The following NSUN7 variants were observed in gnomAD, a reference collection of about 807,000 sequenced individuals.
The protein encoded by NSUN7 is protein NSUN7.
NSUN7 carries 39 observed loss-of-function variants against 58.5 expected under a neutral mutation model. That is an observed-to-expected ratio of 0.67 (90% CI 0.52 to 0.87). The LOEUF (loss-of-function observed/expected upper bound fraction) is 0.87, where lower values mean the gene tolerates loss of function less well. Among genes scored for constraint, NSUN7 ranks in the 40% least tolerant of loss-of-function variants. The pLI, the probability that NSUN7 is intolerant of heterozygous loss-of-function variation, is 0.00. For synonymous variants in NSUN7, 278 were observed against 303.7 expected, an observed-to-expected ratio of 0.92 and a Z score of 0.88; for missense variants, 765 against 844.1, an observed-to-expected ratio of 0.91 and a Z score of 1.16.
At chr4:40,783,451 G>T (rs1006662190) in intron 7 of NSUN7, among the ~76,000 whole-genome samples, 1 of 151,672 alleles carries the variant, frequency 6.6e-6, no homozygotes, top group Non-Finnish European at 1.5e-5. Context: ...TTTAGCAGTG[G>T]TTGTTTAGAT....
intron 4 of NSUN7, among the ~76,000 whole-genome samples, chr4:40,766,572 G>T (rs1232920834): frequency 6.6e-6 from 1 of 152,160 alleles, no homozygotes; most frequent in Non-Finnish European, 1.5e-5. Flanking sequence ...GCCTGGCTTT[G>T]GTATGAGGAT....
At chr4:40,804,683 C>T (rs1386614593) in intron 10 of NSUN7, among the ~76,000 whole-genome samples, 3 of 151,960 alleles carry the variant, frequency 2.0e-5, no homozygotes, top group Non-Finnish European at 4.4e-5. Flanking sequence ...GTGGAGGGCA[C>T]GAAGGTGAGC....
chr4:40,764,561 A>G (rs981349705), intron 4 of NSUN7, among the ~76,000 whole-genome samples: 2 of 152,166 alleles, frequency 1.3e-5, no homozygotes, highest in Non-Finnish European at 2.9e-5. Context: ...TGTCTTTATA[A>G]CAGCATGATT....
Position 40,809,762 on chromosome 4 carries a change from C to T in NSUN7, c.*823C>T, listed in dbSNP as rs764431193. On this transcript the variant is annotated 3_prime_UTR_variant, in exon 12 of 12. Transcript: ENST00000381782. ...CTAAGATCAGGGGATACAACAAAAT[C>T]TACAAGTCATTTCAAATAGCACACA... is the stretch of plus-strand genomic sequence containing the variant. The T allele has an allele frequency of 6.6e-6, 1 of 152,182 alleles. No individual in the cohort carries two copies. Among genetic ancestry groups the T allele is most frequent in the Non-Finnish European group, 1.5e-5 (1 of 68,014 alleles). The allele number at this position is 152,182 out of a possible 1,614,324, so 9.4% of individuals were successfully genotyped here. A position where few individuals can be genotyped will look rare whatever the true frequency, so the allele number is the denominator to read the frequency against.
At chr4:40,758,420 C>T (rs1357371893) in intron 2 of NSUN7, among the ~76,000 whole-genome samples, 2 of 152,160 alleles carry the variant, frequency 1.3e-5, no homozygotes, top group African/African-American at 2.4e-5. Context: ...TTGTGAAGTA[C>T]AAGTACGTAA....
chr4:40,804,560 T>TAATTACATTTTCCAATTTTCTATTAGAA lies in NSUN7; in HGVS notation c.1401-2488_1401-2461dup, dbSNP rs1173327016. Among the ~76,000 whole-genome samples, 9 of 152,338 alleles carry TAATTACATTTTCCAATTTTCTATTAGAA rather than the reference T, an allele frequency of 5.9e-5. No individual in the cohort carries two copies. The South Asian group carries it at 1.0e-3, about 18-fold the overall frequency. On this transcript the variant is annotated intron_variant, in intron 10 of 11. Coordinates refer to ENST00000381782, the MANE Select transcript of NSUN7 (RefSeq NM_024677.6). ...TAACATGGTAGTGAATTACATTTAG[T>TAATTACATTTTCCAATTTTCTATTAGAA]AATTACATTTTCCAATTTTCTATTA...
chr4:40,760,362 G>A (rs966722891), intron 2 of NSUN7, 72 bp from the exon 3 acceptor site: 3 of 1,050,802 alleles, frequency 2.9e-6, no homozygotes, highest in Non-Finnish European at 4.4e-6. Context: ...CATTATTACA[G>A]TGTATTTTGA....
chr4:40,792,723 G>GT (rs1743144778), intron 8 of NSUN7, among the ~76,000 whole-genome samples: 1 of 151,690 alleles, frequency 6.6e-6, no homozygotes, highest in Non-Finnish European at 1.5e-5. Context: ...CTGCACTCCA[G>GT]CCTGGGCGAC....
chr4:40,760,637 CG>C, intron 3 of NSUN7, 145 bp downstream of exon 3: 1 of 577,446 alleles, frequency 1.7e-6, no homozygotes, highest in South Asian at 2.2e-5. Context: ...CCAAGGCGGG[CG>C]GATCATCTGA....
Position 40,750,866 on chromosome 4 carries a change from G to T in NSUN7, c.173G>T (p.Arg58Leu), listed in dbSNP as rs956107015. 1.2e-6 allele frequency: 2 copies of T among 1,614,166 alleles called. No homozygotes were observed. Among genetic ancestry groups the T allele is most frequent in the Admixed American group, 3.3e-5 (2 of 60,018 alleles). The change falls in exon 2 of 12, where the codon CGA becomes CTA. Residue 58 changes from arginine (R) to leucine (L), a missense_variant. Coordinates refer to ENST00000381782, the MANE Select transcript of NSUN7 (RefSeq NM_024677.6). ...GCAGCCAACATTTTTCAGGGTATTC[G>T]AATCGAAAAGTCGGCACAGAAAGTC... ...VMAANIFQGI[R>L]IEKSAQKVLI...
At chr4:40,780,845 T>C (rs1343883137) in intron 7 of NSUN7, among the ~76,000 whole-genome samples, 18 of 125,332 alleles carry the variant, frequency 1.4e-4, no homozygotes, top group African/African-American at 4.8e-4. Flanking sequence ...TTTGAGACGG[T>C]GTCTCGCTCT....
chr4:40,799,512 G>T (rs1259816972), intron 10 of NSUN7, among the ~76,000 whole-genome samples: 1 of 147,742 alleles, frequency 6.8e-6, no homozygotes, highest in Non-Finnish European at 1.5e-5. Flanking sequence ...AAAAAAAAAA[G>T]AATATGATAT....
chr4:40,770,062 TAGTC>T (rs2154287347), intron 4 of NSUN7, among the ~76,000 whole-genome samples: 1 of 151,358 alleles, frequency 6.6e-6, no homozygotes, highest in East Asian at 1.9e-4. Flanking sequence ...AATACAAAAT[TAGTC>T]AGGCGTGGTG....
chr4:40,751,289 T>C lies in NSUN7; in HGVS notation c.298+298T>C, dbSNP rs75362277. 4.1e-4 allele frequency among the ~76,000 whole-genome samples: 62 copies of C among 151,434 alleles called. No individual in the cohort carries two copies. The East Asian group carries it at 0.011, about 28-fold the overall frequency. On this transcript the variant is annotated intron_variant, in intron 2 of 11. Transcript: ENST00000381782. ...CAATGATCATTTCCCTCTCCCTGTA[T>C]TTTTTTTTCCCTCGTAGACTTAGGG... is the stretch of plus-strand genomic sequence containing the variant.
In NSUN7 at chr4:40,790,534, A is replaced by G. The variant is rs1017708381; in HGVS notation, c.1037-68A>G. On this transcript the variant is annotated intron_variant, in intron 7 of 11. Coordinates refer to ENST00000381782, the MANE Select transcript of NSUN7 (RefSeq NM_024677.6). ...ATTTTAAAATGTACAATAAATAGAT[A>G]CAATCACATACTACATTAAGATTTT... 82 of 974,254 alleles carry G rather than the reference A, an allele frequency of 8.4e-5. No homozygotes were observed. The African/African-American group carries it at 1.3e-3, about 15-fold the overall frequency. 60.4% of individuals were successfully genotyped at this position (974,254 alleles called of 1,614,324 possible). A position where few individuals can be genotyped will look rare whatever the true frequency, so the allele number is the denominator to read the frequency against.
At chr4:40,795,579 CAT>C (rs1268005430) in intron 9 of NSUN7, among the ~76,000 whole-genome samples, 2 of 152,100 alleles carry the variant, frequency 1.3e-5, no homozygotes, top group African/African-American at 4.8e-5. Flanking sequence ...GCCAAATAAA[CAT>C]AAAATTTGGC....
intron 8 of NSUN7, among the ~76,000 whole-genome samples, chr4:40,792,575 C>CTAA (rs1743127018): frequency 6.6e-6 from 1 of 152,010 alleles, no homozygotes; most frequent in Admixed American, 6.6e-5. Flanking sequence ...CACGGTGAAA[C>CTAA]CCCGTCTCTA....
intron 7 of NSUN7, among the ~76,000 whole-genome samples, chr4:40,783,784 G>A (rs557141079): frequency 6.6e-6 from 1 of 151,950 alleles, no homozygotes; most frequent in Non-Finnish European, 1.5e-5. Context: ...GAAGGTGGAG[G>A]TTGCAGTGAG....
intron 8 of NSUN7, among the ~76,000 whole-genome samples, chr4:40,791,860 T>A (rs1322197852): frequency 6.6e-6 from 1 of 152,200 alleles, no homozygotes; most frequent in African/African-American, 2.4e-5. Context: ...TTGAGGTTAG[T>A]GTTCTTCTAA....
Sources: gnomAD v4.1 joint callset for allele counts (sites outside exome capture counted in the v4.1 genomes callset) on GRCh38, gnomAD v4.1.1 for gene constraint, MANE v1.5 for transcripts, NCBI Gene and HGNC (gene_info 2026-07-23, HGNC 2026-07-21) for gene names.